Variants in PPP2R2B observed in about 807,000 individuals in gnomAD.
PPP2R2B encodes the protein serine/threonine-protein phosphatase 2A 55 kDa regulatory subunit B beta isoform.
PPP2R2B carries 5 observed loss-of-function variants against 46.0 expected under a neutral mutation model. The observed-to-expected ratio is 0.11, with a 90% CI of 0.06 to 0.23. PPP2R2B has a LOEUF of 0.23. Ranked by LOEUF, PPP2R2B falls within the 10% of genes least tolerant of loss-of-function variation. The pLI, the probability that PPP2R2B is intolerant of heterozygous loss-of-function variation, is 1.00. For synonymous variants in PPP2R2B, 215 were observed against 206.7 expected, an observed-to-expected ratio of 1.04 and a Z score of -0.34; for missense variants, 367 against 575.0, an observed-to-expected ratio of 0.64 and a Z score of 3.70.
chr5:146,981,705 G>A (rs1261589230), intron 1 of PPP2R2B, among the ~76,000 whole-genome samples: 1 of 152,038 alleles, frequency 6.6e-6, no homozygotes, highest in Non-Finnish European at 1.5e-5. Flanking sequence ...ATCCCCACAA[G>A]GATCCCTATG....
chr5:147,078,649 A>T (rs929377735), intron 2 of PPP2R2B, among the ~76,000 whole-genome samples: 11 of 150,992 alleles, frequency 7.3e-5, no homozygotes, highest in Non-Finnish European at 1.0e-4. Context: ...AATAAAAATT[A>T]AAAAAAAATA....
chr5:146,640,187 C>T (rs1775104080), intron 6 of PPP2R2B, among the ~76,000 whole-genome samples: 1 of 152,182 alleles, frequency 6.6e-6, no homozygotes, highest in East Asian at 1.9e-4. Context: ...TGCCTCTTTC[C>T]CCTTCATTAT....
chr5:146,615,385 G>A (rs1200539581), intron 7 of PPP2R2B, among the ~76,000 whole-genome samples: 1 of 107,762 alleles, frequency 9.3e-6, no homozygotes, highest in African/African-American at 3.8e-5. Flanking sequence ...ATAGCATTGG[G>A]AGATATACCT....
intron 1 of PPP2R2B, among the ~76,000 whole-genome samples, chr5:146,894,003 G>A (rs577207452): frequency 3.9e-5 from 6 of 151,964 alleles, no homozygotes; most frequent in Admixed American, 6.6e-5. Flanking sequence ...CCAAGATTGC[G>A]CTGCTACACT....
At chr5:146,756,513 T>C (rs1029327769) in intron 2 of PPP2R2B, among the ~76,000 whole-genome samples, 1 of 152,216 alleles carries the variant, frequency 6.6e-6, no homozygotes, top group Non-Finnish European at 1.5e-5. Flanking sequence ...AAAGTATATG[T>C]GAATCTTTTC....
At chr5:146,684,829 G>A (rs1473312494) in intron 5 of PPP2R2B, among the ~76,000 whole-genome samples, 1 of 152,140 alleles carries the variant, frequency 6.6e-6, no homozygotes, top group Non-Finnish European at 1.5e-5. Flanking sequence ...TCTGGGAGGG[G>A]CCTTGTCAAA....
At chr5:147,037,781 G>C (rs1756112481) in intron 1 of PPP2R2B, among the ~76,000 whole-genome samples, 1 of 151,986 alleles carries the variant, frequency 6.6e-6, no homozygotes, top group Admixed American at 6.6e-5. Flanking sequence ...TATTCTCTAG[G>C]TTCTAGTCTT....
chr5:146,598,526 GTCTACC>G (rs1771446731), intron 8 of PPP2R2B, among the ~76,000 whole-genome samples: 1 of 152,166 alleles, frequency 6.6e-6, no homozygotes, highest in Non-Finnish European at 1.5e-5. Flanking sequence ...ACATTGAAGT[GTCTACC>G]TGCTGTGTCT....
At chr5:146,893,887 A>C (rs1204046674) in intron 1 of PPP2R2B, among the ~76,000 whole-genome samples, 1 of 151,748 alleles carries the variant, frequency 6.6e-6, no homozygotes, top group Middle Eastern at 3.2e-3. Context: ...AAATTGAAAA[A>C]AAAAAAAAAA....
intron 2 of PPP2R2B, among the ~76,000 whole-genome samples, chr5:146,815,016 G>A (rs1325187845): frequency 6.6e-6 from 1 of 152,100 alleles, no homozygotes; most frequent in African/African-American, 2.4e-5. Context: ...ACATACTTTG[G>A]TGCCACGTGA....
intron 2 of PPP2R2B, among the ~76,000 whole-genome samples, chr5:146,715,521 A>G (rs1241191040): frequency 6.6e-6 from 1 of 152,272 alleles, no homozygotes; most frequent in East Asian, 1.9e-4. Flanking sequence ...ATCCATCGTC[A>G]TATATTGGAT....
At chr5:146,877,504 G>C (rs1193372192) in intron 2 of PPP2R2B, among the ~76,000 whole-genome samples, 1 of 152,128 alleles carries the variant, frequency 6.6e-6, no homozygotes, top group Non-Finnish European at 1.5e-5. Context: ...GTCTGCAAAG[G>C]GCTTTTTGGG....
chr5:146,741,035 C>CAA lies in PPP2R2B; in HGVS notation c.71-39895_71-39894dup, dbSNP rs34289574. ...CAAGCGACAGAGCAAGACTCCGTCT[C>CAA]AAAAAAAAAAAAAAATGCAGATTTT... On this transcript the variant is annotated intron_variant, in intron 2 of 9. Coordinates refer to ENST00000394411, the MANE Select transcript of PPP2R2B (RefSeq NM_181675.4). 9.3e-3 allele frequency among the ~76,000 whole-genome samples: 1,327 copies of CAA among 142,472 alleles called. 19 individuals carry two copies. The highest frequency in any genetic ancestry group is 0.024 in the African/African-American group (925 of 38,390). 93.5% of individuals were successfully genotyped at this position (142,472 alleles called of 152,430 possible).
intron 2 of PPP2R2B, among the ~76,000 whole-genome samples, chr5:146,838,282 A>G (rs1354476500): frequency 6.6e-6 from 1 of 152,130 alleles, no homozygotes; most frequent in African/African-American, 2.4e-5. Context: ...TTACAGACTT[A>G]GAAGGAAGGA....
At chr5:146,985,071 A>C (rs1753363074) in intron 1 of PPP2R2B, among the ~76,000 whole-genome samples, 1 of 125,322 alleles carries the variant, frequency 8.0e-6, no homozygotes, top group Non-Finnish European at 1.6e-5. Context: ...ACCAGGCTGG[A>C]GTGCAGTGGT....
At chr5:146,880,228 G>A (rs543694863), upstream of PPP2R2B, among the ~76,000 whole-genome samples, 1 of 149,350 alleles carries the variant, frequency 6.7e-6, no homozygotes, top group African/African-American at 2.5e-5. Context: ...TGTGTGTGGT[G>A]GGGGGAGTTC....
At chr5:146,635,908 A>G (rs528506522) in intron 7 of PPP2R2B, among the ~76,000 whole-genome samples, 1 of 152,238 alleles carries the variant, frequency 6.6e-6, no homozygotes, top group Non-Finnish European at 1.5e-5. Context: ...ATGACATTGA[A>G]CAATTCATAT....
chr5:146,698,434 C>T (rs1017215591), intron 3 of PPP2R2B, among the ~76,000 whole-genome samples: 1 of 133,478 alleles, frequency 7.5e-6, no homozygotes, highest in Admixed American at 8.0e-5. Flanking sequence ...TAAAATAGAA[C>T]AAAATTTTAA....
intron 7 of PPP2R2B, among the ~76,000 whole-genome samples, chr5:146,635,082 G>T (rs1774720137): frequency 6.6e-6 from 1 of 152,110 alleles, no homozygotes; most frequent in African/African-American, 2.4e-5. Flanking sequence ...CTGGCAGAGG[G>T]CTAGGATCTC....
Sources: allele counts gnomAD v4.1 joint callset (sites outside exome capture counted in the v4.1 genomes callset), GRCh38; gene constraint gnomAD v4.1.1; transcripts MANE v1.5; gene names NCBI Gene and HGNC (gene_info 2026-07-23, HGNC 2026-07-21).